The following HTATIP2 variants were observed in gnomAD, a reference collection of about 807,000 sequenced individuals.
The protein encoded by HTATIP2 is protein HTATIP2.
Under a neutral mutation model 24.7 loss-of-function variants are expected in HTATIP2, and 26 were observed. The observed-to-expected ratio is 1.05, with a 90% CI of 0.77 to 1.46. The LOEUF (loss-of-function observed/expected upper bound fraction) is 1.46, where lower values mean the gene tolerates loss of function less well. Ranked by LOEUF, HTATIP2 falls within the 40% of genes most tolerant of loss-of-function variation. The pLI is 0.00. For synonymous variants in HTATIP2, 99 were observed against 113.2 expected, an observed-to-expected ratio of 0.87 and a Z score of 0.79; for missense variants, 284 against 289.6, an observed-to-expected ratio of 0.98 and a Z score of 0.14.
intron 3 of HTATIP2, among the ~76,000 whole-genome samples, chr11:20,380,913 A>G (rs1403879517): frequency 1.5e-4 from 23 of 152,166 alleles, no homozygotes; most frequent in Admixed American, 1.5e-3. Context: ...GTGTGAGGAG[A>G]CAGTCACAAA....
chr11:20,365,572 G>A (rs988307396), intron 1 of HTATIP2, among the ~76,000 whole-genome samples: 2 of 152,136 alleles, frequency 1.3e-5, no homozygotes, highest in Non-Finnish European at 2.9e-5. Flanking sequence ...GAATGCCTTT[G>A]GTCCATCAAG....
chr11:20,373,174 G>C (rs1365310269), intron 2 of HTATIP2, among the ~76,000 whole-genome samples: 1 of 152,190 alleles, frequency 6.6e-6, no homozygotes, highest in South Asian at 2.1e-4. Context: ...ATTGAGCAGG[G>C]ATGATGGGCT....
intron 1 of HTATIP2, among the ~76,000 whole-genome samples, chr11:20,364,955 G>A (rs563748816): frequency 5.3e-5 from 8 of 151,618 alleles, no homozygotes; most frequent in East Asian, 1.9e-4. Flanking sequence ...TCTGTAAATC[G>A]GATATTCCCT....
At chr11:20,364,990 T>TG in intron 1 of HTATIP2, among the ~76,000 whole-genome samples, 1 of 151,662 alleles carries the variant, frequency 6.6e-6, no homozygotes, top group Non-Finnish European at 1.5e-5. Context: ...AGGTTTTTTT[T>TG]TTTTTTTTTC....
chr11:20,366,099 C>CTTTTTTTTTTTTTTTTT (rs746247166), intron 1 of HTATIP2, among the ~76,000 whole-genome samples: 3 of 108,664 alleles, frequency 2.8e-5, no homozygotes, highest in Admixed American at 1.0e-4. Flanking sequence ...CTTTTCTTTT[C>CTTTTTTTTTTTTTTTTT]TTTTTTTTTT....
rs553524116 is a variant in HTATIP2 at position 20,367,040 on chromosome 11, G to A, written c.196-134G>A. ...TTCATTGCTTTTTGGTTGGAGAAAA[G>A]GAATTTGTAAAATTTGATGTTAAGT... On this transcript the variant is annotated intron_variant, in intron 1 of 4. Coordinates refer to ENST00000451739, the MANE Select transcript of HTATIP2 (RefSeq NM_001098522.2). 13 of 1,048,844 alleles carry A rather than the reference G, an allele frequency of 1.2e-5. No individual in the cohort carries two copies. In the African/African-American group the frequency reaches 1.9e-4, roughly 15 times the overall value. The allele number at this position is 1,048,844 out of a possible 1,614,324, so 65.0% of individuals were successfully genotyped here.
Position 20,376,651 on chromosome 11 carries a change from AC to A in HTATIP2, c.376del (p.His126IlefsTer25). 1 of 1,614,000 alleles carries A rather than the reference AC, an allele frequency of 6.2e-7. No individual in the cohort carries two copies. The highest frequency in any genetic ancestry group is 8.5e-7 in the Non-Finnish European group (1 of 1,179,870). On this transcript the variant is annotated frameshift_variant, in exon 3 of 5. Coordinates refer to ENST00000451739, the MANE Select transcript of HTATIP2 (RefSeq NM_001098522.2). LOFTEE classifies it high-confidence loss of function. ...AELAKAGGCKHFNLLSSKGAD... is the reference protein window; with the variant it reads ...AELAKAGGCKXFNLLSSKGAD... ...AGCTGGCAAAAGCTGGAGGGTGCAA[AC>A]ATTTCAACTTGCTATCCTCTAAAGG...
chr11:20,381,125 T>C (rs895196376), intron 3 of HTATIP2, among the ~76,000 whole-genome samples: 1 of 126,732 alleles, frequency 7.9e-6, no homozygotes, highest in African/African-American at 2.9e-5. Context: ...TCTGTGTATA[T>C]ACTAAAAACC....
chr11:20,382,117 T>G, intron 3 of HTATIP2, 61 bp from the exon 4 acceptor site: 5 of 1,018,954 alleles, frequency 4.9e-6, no homozygotes, highest in Middle Eastern at 2.1e-4. Context: ...TATTCTCTCT[T>G]AAACTTCACA....
chr11:20,367,642 T>C (rs1287765635), intron 2 of HTATIP2: 1 of 1,227,952 alleles, frequency 8.1e-7, no homozygotes, highest in African/African-American at 1.5e-5. Flanking sequence ...TTAATAAATG[T>C]TTGAAATTTG....
In HTATIP2 at chr11:20,367,243, T is replaced by G. The variant is rs140788394; in HGVS notation, c.265T>G (p.Phe89Val). The change falls in exon 2 of 5, where the codon TTC becomes GTC. Residue 89 changes from phenylalanine (F) to valine (V), a missense_variant. Transcript: ENST00000451739. ...TGCCTTTCAAGGTCATGATGTTGGA[T>G]TCTGTTGCCTGGGTACCACCAGAGG... ...ASAFQGHDVG[F>V]CCLGTTRGKA... is the part of the protein sequence containing the mutation. The G allele has an allele frequency of 5.2e-5, 84 of 1,614,028 alleles. No homozygotes were observed. In the African/African-American group the frequency reaches 1.0e-3, roughly 19 times the overall value.
At position 20,363,838 on chromosome 11, in the gene HTATIP2, G is replaced by A. The variant is rs557775858; in HGVS notation, c.-400G>A. 74 of 1,236,368 alleles carry A rather than the reference G, an allele frequency of 6.0e-5. 1 individual carries two copies. The South Asian group carries it at 2.2e-3, about 37-fold the overall frequency. 76.6% of individuals were successfully genotyped at this position (1,236,368 alleles called of 1,614,324 possible). ...TGGCCGGGCCTGCGGCGCTGAGCGCGGCGGCGGCGGCTGCTCTGGCGGCCG... is the reference window on the plus strand; with the variant it reads ...TGGCCGGGCCTGCGGCGCTGAGCGCAGCGGCGGCGGCTGCTCTGGCGGCCG... On this transcript the variant is annotated 5_prime_UTR_variant, in exon 1 of 5. Coordinates refer to ENST00000451739, the MANE Select transcript of HTATIP2 (RefSeq NM_001098522.2).
chr11:20,367,308 T>C (rs1454813978), intron 2 of HTATIP2, 27 bp downstream of exon 2: 3 of 1,613,612 alleles, frequency 1.9e-6, no homozygotes, highest in Middle Eastern at 1.7e-4. Context: ...CTCTTTTCCC[T>C]TTTTGCTGGC....
chr11:20,364,989 T>TG (rs2064681046), intron 1 of HTATIP2, among the ~76,000 whole-genome samples: 1 of 151,498 alleles, frequency 6.6e-6, no homozygotes, highest in Non-Finnish European at 1.5e-5. Flanking sequence ...AAGGTTTTTT[T>TG]TTTTTTTTTT....
intron 2 of HTATIP2, among the ~76,000 whole-genome samples, chr11:20,374,087 G>A (rs1335661596): frequency 6.6e-6 from 1 of 152,166 alleles, no homozygotes; most frequent in East Asian, 1.9e-4. Flanking sequence ...TCCTCCAGGT[G>A]GTGGATATAG....
chr11:20,373,302 G>A (rs1422164457), intron 2 of HTATIP2, among the ~76,000 whole-genome samples: 1 of 152,164 alleles, frequency 6.6e-6, no homozygotes, highest in Non-Finnish European at 1.5e-5. Flanking sequence ...TGGTATTGAT[G>A]TGCCTTCGCT....
Position 20,364,296 on chromosome 11 carries a change from C to A in HTATIP2, c.59C>A (p.Ser20Tyr). 1 of 1,613,762 alleles carries A rather than the reference C, an allele frequency of 6.2e-7. No homozygotes were observed. The highest frequency in any genetic ancestry group is 8.5e-7 in the Non-Finnish European group (1 of 1,179,740). The change falls in exon 1 of 5, where the codon TCC becomes TAC. Residue 20 changes from serine to tyrosine, a missense_variant. Transcript: ENST00000451739. ...GAAGACTTCAGGATGCAGAATAAAT[C>A]CGTCTTTATTTTGGGCGCCAGCGGA... Reference protein sequence around the residue: ...LREDFRMQNKSVFILGASGET... With the variant: ...LREDFRMQNKYVFILGASGET...
At chr11:20,376,757 C>G (rs1848453565) in intron 3 of HTATIP2, 40 bp downstream of exon 3, 1 of 1,536,858 alleles carries the variant, frequency 6.5e-7, no homozygotes, top group African/African-American at 1.4e-5. Context: ...TTTGGAGAAC[C>G]CTAGCTATTT....
chr11:20,367,076 G>A (rs1483045685), intron 1 of HTATIP2, 98 bp from the exon 2 acceptor site: 2 of 1,387,140 alleles, frequency 1.4e-6, no homozygotes, highest in East Asian at 2.3e-5. Flanking sequence ...GGACAGGCCT[G>A]TCAGTAATGT....
Sources: allele counts gnomAD v4.1 joint callset (sites outside exome capture counted in the v4.1 genomes callset), GRCh38; gene constraint gnomAD v4.1.1; transcripts MANE v1.5; gene names NCBI Gene and HGNC (gene_info 2026-07-23, HGNC 2026-07-21).